Variants in SLC35E3 observed in about 807,000 individuals in gnomAD.
SLC35E3 encodes bladder cancer-overexpressed gene 1 protein.
A neutral mutation model predicts 30.8 loss-of-function variants in SLC35E3; 28 were observed. That is an observed-to-expected ratio of 0.91 (90% CI 0.67 to 1.25). SLC35E3 has a LOEUF of 1.25. Ranked by LOEUF, SLC35E3 falls within the 50% of genes most tolerant of loss-of-function variation. The pLI, the probability that SLC35E3 is intolerant of heterozygous loss-of-function variation, is 0.00. For missense variants in SLC35E3, 365 were observed against 375.4 expected, an observed-to-expected ratio of 0.97 and a Z score of 0.23; for synonymous variants, 146 against 149.2, an observed-to-expected ratio of 0.98 and a Z score of 0.16.
rs1592530986 is a variant in SLC35E3 at position 68,746,415 on chromosome 12, G to T, written c.38G>T (p.Arg13Leu). 1.2e-6 allele frequency: 2 copies of T among 1,609,024 alleles called. No homozygotes were observed. Among genetic ancestry groups the T allele is most frequent in the Non-Finnish European group, 1.7e-6 (2 of 1,176,952 alleles). The change falls in exon 1 of 5, where the codon CGA becomes CTA. Residue 13 changes from arginine to leucine, a missense_variant. Physicochemically the swap from Arg to Leu is moderately radical, Grantham distance 102. Coordinates refer to ENST00000398004, the MANE Select transcript of SLC35E3 (RefSeq NM_018656.5). Reference protein sequence around the residue: ...LLVDRVRGHWRIAAGLLFNLL... With the variant: ...LLVDRVRGHWLIAAGLLFNLL... ...GTGGACCGAGTGCGGGGCCACTGGCGAATCGCCGCCGGGCTCCTGTTCAAC... is the reference window on the plus strand; with the variant it reads ...GTGGACCGAGTGCGGGGCCACTGGCTAATCGCCGCCGGGCTCCTGTTCAAC...
chr12:68,766,875 A>G lies in SLC35E3; in HGVS notation c.*1985A>G, dbSNP rs1328000532. The G allele has an allele frequency of 2.6e-6, 1 of 385,744 alleles. No homozygotes were observed. Among genetic ancestry groups the G allele is most frequent in the Non-Finnish European group, 5.3e-6 (1 of 188,508 alleles). 23.9% of individuals were successfully genotyped at this position (385,744 alleles called of 1,614,324 possible). A position where few individuals can be genotyped will look rare whatever the true frequency, so the allele number is the denominator to read the frequency against. On this transcript the variant is annotated 3_prime_UTR_variant, in exon 5 of 5. Transcript: ENST00000398004. ...GCTGGGATTACAGGCCTGAGCCACC[A>G]CACCTGGCCAGTAATTTCTTAATCC... is the stretch of plus-strand genomic sequence containing the variant.
At chr12:68,753,436 G>C (rs533712158) in intron 3 of SLC35E3, among the ~76,000 whole-genome samples, 3 of 151,694 alleles carry the variant, frequency 2.0e-5, no homozygotes, top group South Asian at 2.1e-4. Flanking sequence ...CTGGGCAACA[G>C]AGTGAGACCC....
Position 68,766,354 on chromosome 12 carries a change from C to T in SLC35E3, c.*1464C>T. Reference sequence around the variant, plus strand: ...ATACAAAATTAGCCAGGCATGGTGGCACATGCCTGTAATCCCAGCTGCTCG... The same window carrying T: ...ATACAAAATTAGCCAGGCATGGTGGTACATGCCTGTAATCCCAGCTGCTCG... On this transcript the variant is annotated 3_prime_UTR_variant, in exon 5 of 5. Transcript: ENST00000398004. 1 of 152,412 alleles carries T rather than the reference C, an allele frequency of 6.6e-6. No homozygotes were observed. Among genetic ancestry groups the T allele is most frequent in the East Asian group, 2.0e-4 (1 of 5,128 alleles). 9.4% of individuals were successfully genotyped at this position (152,412 alleles called of 1,614,324 possible).
In SLC35E3 at chr12:68,746,312, G is replaced by T; in HGVS notation, c.-66G>T. ...TCTGCGAGGACGCGGCGGTGGAGTAGAAGGGCAGCCGGAGACAGGCCCGGC... is the reference window on the plus strand; with the variant it reads ...TCTGCGAGGACGCGGCGGTGGAGTATAAGGGCAGCCGGAGACAGGCCCGGC... On this transcript the variant is annotated 5_prime_UTR_variant, in exon 1 of 5. Coordinates refer to ENST00000398004, the MANE Select transcript of SLC35E3 (RefSeq NM_018656.5). The T allele has an allele frequency of 6.7e-7, 1 of 1,492,232 alleles. No homozygotes were observed. 92.4% of individuals were successfully genotyped at this position (1,492,232 alleles called of 1,614,324 possible).
At position 68,767,997 on chromosome 12, in the gene SLC35E3, C is replaced by T. The variant is rs1879488237; in HGVS notation, c.*3107C>T. 2 of 152,162 alleles carry T rather than the reference C, an allele frequency of 1.3e-5. No individual in the cohort carries two copies. The highest frequency in any genetic ancestry group is 6.6e-5 in the Admixed American group (1 of 15,246). The allele number at this position is 152,162 out of a possible 1,614,324, so 9.4% of individuals were successfully genotyped here. On this transcript the variant is annotated 3_prime_UTR_variant, in exon 5 of 5. Coordinates refer to ENST00000398004, the MANE Select transcript of SLC35E3 (RefSeq NM_018656.5). The stretch of plus-strand genomic sequence containing the variant: ...AGTTTATTTGTGCCATTTAGAAATT[C>T]GTAACTGTAGGCTGGGCGCAGTGGC...
chr12:68,751,108 G>A (rs1248934657), intron 2 of SLC35E3, among the ~76,000 whole-genome samples: 2 of 152,088 alleles, frequency 1.3e-5, no homozygotes, highest in East Asian at 3.9e-4. Flanking sequence ...GTGTATCTAG[G>A]TGTATTGGTG....
rs1397256595 is a variant in SLC35E3, at chr12:68,781,252, ATC to A, written c.*16364_*16365del. The A allele has an allele frequency of 6.6e-6, 1 of 152,240 alleles. No homozygotes were observed. Among genetic ancestry groups the A allele is most frequent in the Non-Finnish European group, 1.5e-5 (1 of 68,048 alleles). The allele number at this position is 152,240 out of a possible 1,614,324, so 9.4% of individuals were successfully genotyped here. On this transcript the variant is annotated 3_prime_UTR_variant, in exon 5 of 5. Transcript: ENST00000398004. Reference sequence around the variant, plus strand: ...TGGCAAAGTATTTGTAATTAGGAATATCTGTCATACTGGCACTGGGCAAATTA... The same window carrying A: ...TGGCAAAGTATTTGTAATTAGGAATATGTCATACTGGCACTGGGCAAATTA...
At position 68,765,960 on chromosome 12, in the gene SLC35E3, G is replaced by A. The variant is rs1296341115; in HGVS notation, c.*1070G>A. On this transcript the variant is annotated 3_prime_UTR_variant, in exon 5 of 5. Transcript: ENST00000398004. ...TGTGAGATTTGTTATTTTGATCAGA[G>A]TATTCAAATCAGAATTTAAATCTAG... is the stretch of plus-strand genomic sequence containing the variant. 1.3e-5 allele frequency: 2 copies of A among 151,200 alleles called. No individual in the cohort carries two copies. Among genetic ancestry groups the A allele is most frequent in the African/African-American group, 4.9e-5 (2 of 41,094 alleles). The allele number at this position is 151,200 out of a possible 1,614,324, so 9.4% of individuals were successfully genotyped here.
At position 68,746,583 on chromosome 12, in the gene SLC35E3, C is replaced by A. The variant is rs1007344164; in HGVS notation, c.206C>A (p.Pro69His). The A allele has an allele frequency of 1.7e-5, 27 of 1,614,106 alleles. No homozygotes were observed. The highest frequency in any genetic ancestry group is 2.2e-5 in the Non-Finnish European group (26 of 1,180,024). The change falls in exon 1 of 5, where the codon CCC (proline) becomes CAC (histidine). Residue 69 changes from proline to histidine, a missense_variant. Coordinates refer to ENST00000398004, the MANE Select transcript of SLC35E3 (RefSeq NM_018656.5). ...YICQKLDIFA[P>H]KSLPPSRLLL... ...TGCCAGAAGCTGGACATCTTTGCCC[C>A]CAAAAGTCTGCCGCCCTCCAGGCTC...
intron 3 of SLC35E3, among the ~76,000 whole-genome samples, chr12:68,755,229 C>T (rs970349972): frequency 2.6e-5 from 4 of 152,138 alleles, no homozygotes; most frequent in African/African-American, 2.4e-5. Flanking sequence ...CATCACCTTG[C>T]GGGTGAGGAT....
rs1879564696 is a variant in SLC35E3, at chr12:68,770,151, G to C, written c.*5261G>C. ...AGGGAATAGCACATACAAATGCCTA[G>C]TGGTTGGAGGAATTGTGATGCTTTT... On this transcript the variant is annotated 3_prime_UTR_variant, in exon 5 of 5. Coordinates refer to ENST00000398004, the MANE Select transcript of SLC35E3 (RefSeq NM_018656.5). 6.6e-6 allele frequency: 1 copy of C among 152,230 alleles called. No homozygotes were observed. The highest frequency in any genetic ancestry group is 2.4e-5 in the African/African-American group (1 of 41,442). The allele number at this position is 152,230 out of a possible 1,614,324, so 9.4% of individuals were successfully genotyped here. A position where few individuals can be genotyped will look rare whatever the true frequency, so the allele number is the denominator to read the frequency against.
At position 68,759,484 on chromosome 12, in the gene SLC35E3, G is replaced by A. The variant is rs945259725; in HGVS notation, c.755+245G>A. ...TTCAGGAGGCCGAGGCGGGTGAATCGCTTAAGGCCAGGAGTTCAAGACCAG... is the reference window on the plus strand; with the variant it reads ...TTCAGGAGGCCGAGGCGGGTGAATCACTTAAGGCCAGGAGTTCAAGACCAG... On this transcript the variant is annotated intron_variant, in intron 4 of 4. Transcript: ENST00000398004. 5.3e-5 allele frequency among the ~76,000 whole-genome samples: 8 copies of A among 152,006 alleles called. No individual in the cohort carries two copies. In the East Asian group the frequency reaches 9.6e-4, roughly 18 times the overall value.
rs932134744 is a variant in SLC35E3, at chr12:68,766,683, C to G, written c.*1793C>G. 2.6e-5 allele frequency: 11 copies of G among 420,322 alleles called. No individual in the cohort carries two copies. The highest frequency in any genetic ancestry group is 2.0e-4 in the African/African-American group (10 of 48,938). 26.0% of individuals were successfully genotyped at this position (420,322 alleles called of 1,614,324 possible). ...CACTGCAGCCTCAGCCTCCTGGGCT[C>G]AAGCAATCCTCCTGCCTCAACCTCC... is the stretch of plus-strand genomic sequence containing the variant. On this transcript the variant is annotated 3_prime_UTR_variant, in exon 5 of 5. Transcript: ENST00000398004.
At position 68,766,741 on chromosome 12, in the gene SLC35E3, T is replaced by A. The variant is rs913551211; in HGVS notation, c.*1851T>A. On this transcript the variant is annotated 3_prime_UTR_variant, in exon 5 of 5. Coordinates refer to ENST00000398004, the MANE Select transcript of SLC35E3 (RefSeq NM_018656.5). ...CTGGGACTACAGGTGCACACCAACA[T>A]ACCTGGCTGATTTTTATATTTTTTG... 1 of 449,566 alleles carries A rather than the reference T, an allele frequency of 2.2e-6. No individual in the cohort carries two copies. Among genetic ancestry groups the A allele is most frequent in the African/African-American group, 2.0e-5 (1 of 49,802 alleles). 27.8% of individuals were successfully genotyped at this position (449,566 alleles called of 1,614,324 possible).
In SLC35E3 at chr12:68,754,577, C is replaced by T. The variant is rs148989837; in HGVS notation, c.672+2387C>T. ...CTGGGATTACAGGCGTGAGCCGCCG[C>T]GCCCAGCCGGTGTCTGTGTAATAGC... On this transcript the variant is annotated intron_variant, in intron 3 of 4. Transcript: ENST00000398004. Among the ~76,000 whole-genome samples the T allele has an allele frequency of 2.0e-4, 30 of 152,258 alleles. No individual in the cohort carries two copies. The East Asian group carries it at 4.4e-3, about 23-fold the overall frequency.
chr12:68,753,798 G>A (rs1306691570), intron 3 of SLC35E3, among the ~76,000 whole-genome samples: 3 of 69,992 alleles, frequency 4.3e-5, no homozygotes, highest in Admixed American at 4.0e-4. Context: ...TCTCCATGCC[G>A]TATATATCCA....
At chr12:68,751,234 C>T (rs966290219) in intron 2 of SLC35E3, among the ~76,000 whole-genome samples, 2 of 151,898 alleles carry the variant, frequency 1.3e-5, no homozygotes, top group African/African-American at 4.8e-5. Flanking sequence ...AAGCCACACA[C>T]ATTGGCAACC....
At chr12:68,759,576 C>T (rs1480941836) in intron 4 of SLC35E3, among the ~76,000 whole-genome samples, 5 of 151,882 alleles carry the variant, frequency 3.3e-5, no homozygotes, top group East Asian at 1.9e-4. Context: ...AGGTGGTGCA[C>T]GCCTGTAATC....
At chr12:68,755,794 C>CA (rs1344162808) in intron 3 of SLC35E3, among the ~76,000 whole-genome samples, 2 of 152,130 alleles carry the variant, frequency 1.3e-5, no homozygotes, top group African/African-American at 4.8e-5. Context: ...GGGAGGGCAC[C>CA]AAGCCATTCA....
Sources: gnomAD v4.1 joint callset for allele counts (sites outside exome capture counted in the v4.1 genomes callset) on GRCh38, gnomAD v4.1.1 for gene constraint, MANE v1.5 for transcripts, NCBI Gene and HGNC (gene_info 2026-07-23, HGNC 2026-07-21) for gene names.